PRR16: variants seen among roughly 807,000 people sequenced by gnomAD.
PRR16 encodes proline rich 16.
PRR16 carries 6 observed loss-of-function variants against 18.2 expected under a neutral mutation model. That is an observed-to-expected ratio of 0.33 (90% CI 0.18 to 0.65). PRR16 has a LOEUF of 0.65. PRR16 is among the 30% of genes least tolerant of loss of function. The probability of loss-of-function intolerance (pLI) is 0.74; values close to 1 mark genes in which losing one functional copy is unlikely to be tolerated. For synonymous variants in PRR16, 151 were observed against 147.8 expected (o/e 1.02, Z -0.16); for missense variants, 412 against 376.6 (o/e 1.09, Z -0.78).
At chr5:120,711,572 T>A in the PRR16 span, among the ~76,000 whole-genome samples, 1 of 152,320 alleles carries the variant, frequency 6.6e-6, no homozygotes, top group East Asian at 1.9e-4. Flanking sequence ...TATGTCACTT[T>A]ATTACTCATA....
chr5:120,562,286 A>G (rs1205204568), intron 1 of PRR16, among the ~76,000 whole-genome samples: 3 of 152,108 alleles, frequency 2.0e-5, no homozygotes, highest in African/African-American at 7.2e-5. Flanking sequence ...TTTCTGATAT[A>G]AGTATAACCA....
At chr5:120,518,391 A>T (rs1441872529) in intron 1 of PRR16, among the ~76,000 whole-genome samples, 1 of 152,018 alleles carries the variant, frequency 6.6e-6, no homozygotes, top group Non-Finnish European at 1.5e-5. Context: ...GGTCCTTGAG[A>T]GGGAATTCTT....
intron 1 of PRR16, among the ~76,000 whole-genome samples, chr5:120,488,554 C>T (rs757638762): frequency 1.2e-4 from 18 of 151,986 alleles, no homozygotes; most frequent in African/African-American, 4.3e-4. Flanking sequence ...TCTTTATTAG[C>T]CTTGCTAGCG....
the PRR16 span, among the ~76,000 whole-genome samples, chr5:120,725,293 T>C: frequency 8.0e-6 from 1 of 124,540 alleles, no homozygotes; most frequent in Non-Finnish European, 1.7e-5. Context: ...TGGTTGTAAA[T>C]TTGATGTTGT....
At chr5:120,515,110 G>A (rs1750945974) in intron 1 of PRR16, among the ~76,000 whole-genome samples, 1 of 152,176 alleles carries the variant, frequency 6.6e-6, no homozygotes, top group South Asian at 2.1e-4. Context: ...ATCAAGTGCT[G>A]CATCTGGTGA....
the PRR16 span, among the ~76,000 whole-genome samples, chr5:120,773,023 A>G: frequency 2.6e-5 from 4 of 152,094 alleles, no homozygotes; most frequent in South Asian, 6.2e-4. Context: ...TAAGTATACT[A>G]TATTATATAG....
chr5:120,586,869 G>A (rs1236114519), intron 1 of PRR16, among the ~76,000 whole-genome samples: 4 of 152,162 alleles, frequency 2.6e-5, no homozygotes, highest in Non-Finnish European at 5.9e-5. Context: ...ATTAAACTTA[G>A]TGAGGAGGGC....
chr5:120,663,442 A>T lies in PRR16; in HGVS notation c.160-22512A>T, dbSNP rs538283642. 5.9e-5 allele frequency among the ~76,000 whole-genome samples: 8 copies of T among 136,078 alleles called. No homozygotes were observed. In the South Asian group the frequency reaches 1.7e-3, roughly 29 times the overall value. 89.3% of individuals were successfully genotyped at this position (136,078 alleles called of 152,430 possible). ...GAAAAGGTTAAAAAGGTTGAACAGG[A>T]TACAAAAAGTAAAAGAAAAAAAATT... On this transcript the variant is annotated intron_variant, in intron 1 of 1. Transcript: ENST00000407149.
At position 120,686,089 on chromosome 5, in the gene PRR16, G is replaced by C; in HGVS notation, c.295G>C (p.Ala99Pro). Reference sequence around the variant, plus strand: ...CAGCCTAGAGAAGATCAAAGTGCAGGCTAATGCACCGCTTATTAAACCCCC... The same window carrying C: ...CAGCCTAGAGAAGATCAAAGTGCAGCCTAATGCACCGCTTATTAAACCCCC... ...ASSLEKIKVQANAPLIKPPAH... is the reference protein window; with the variant it reads ...ASSLEKIKVQPNAPLIKPPAH... The change falls in exon 2 of 2, where the codon GCT becomes CCT. Residue 99 changes from alanine (A) to proline (P), a missense_variant. Coordinates refer to ENST00000407149, the MANE Select transcript of PRR16 (RefSeq NM_001300783.2). 7.4e-6 allele frequency: 12 copies of C among 1,614,056 alleles called. No individual in the cohort carries two copies. The highest frequency in any genetic ancestry group is 8.5e-6 in the Non-Finnish European group (10 of 1,180,000).
the PRR16 span, among the ~76,000 whole-genome samples, chr5:120,791,651 TATCTATC>T: frequency 2.0e-5 from 3 of 149,432 alleles, no homozygotes; most frequent in African/African-American, 7.4e-5. Flanking sequence ...TCTATCTATC[TATCTATC>T]ATCTATCTAT....
the PRR16 span, among the ~76,000 whole-genome samples, chr5:120,733,440 T>C: frequency 6.6e-6 from 1 of 152,304 alleles, no homozygotes; most frequent in Non-Finnish European, 1.5e-5. Flanking sequence ...ATAAGGAATC[T>C]GGGTTTAAAA....
At chr5:120,486,871 C>A (rs1349723674) in intron 1 of PRR16, among the ~76,000 whole-genome samples, 1 of 152,162 alleles carries the variant, frequency 6.6e-6, no homozygotes, top group African/African-American at 2.4e-5. Context: ...ATATGGCTAG[C>A]CAGTTTTCCC....
intron 1 of PRR16, among the ~76,000 whole-genome samples, chr5:120,535,769 A>G (rs1214273801): frequency 1.3e-5 from 2 of 151,804 alleles, no homozygotes; most frequent in Non-Finnish European, 1.5e-5. Flanking sequence ...CACTGTACTC[A>G]GCCCGAGTGA....
intron 1 of PRR16, among the ~76,000 whole-genome samples, chr5:120,550,734 G>A (rs1752227825): frequency 1.3e-5 from 2 of 152,056 alleles, no homozygotes; most frequent in African/African-American, 4.8e-5. Flanking sequence ...CCATTATTTT[G>A]TGTTTTTCTT....
chr5:120,583,971 T>C (rs1266837309), intron 1 of PRR16, among the ~76,000 whole-genome samples: 1 of 152,208 alleles, frequency 6.6e-6, no homozygotes, highest in Non-Finnish European at 1.5e-5. Context: ...CACTGTGTGC[T>C]GTGATGAAAG....
chr5:120,580,181 G>C (rs965844979), intron 1 of PRR16, among the ~76,000 whole-genome samples: 13 of 152,154 alleles, frequency 8.5e-5, no homozygotes, highest in African/African-American at 3.1e-4. Context: ...TGCAAACAGA[G>C]ACAACTTGAC....
intron 1 of PRR16, among the ~76,000 whole-genome samples, chr5:120,673,323 ATTTC>A (rs1756679403): frequency 6.6e-6 from 1 of 152,186 alleles, no homozygotes. Flanking sequence ...GATTTGGGGC[ATTTC>A]TACGTATTTC....
chr5:120,707,706 C>T, the PRR16 span, among the ~76,000 whole-genome samples: 1 of 152,144 alleles, frequency 6.6e-6, no homozygotes, highest in East Asian at 1.9e-4. Context: ...GTCTGCACTA[C>T]TCAAGAGTTA....
chr5:120,670,718 A>G (rs1756572299), intron 1 of PRR16, among the ~76,000 whole-genome samples: 5 of 152,150 alleles, frequency 3.3e-5, no homozygotes, highest in Non-Finnish European at 1.5e-5. Context: ...ATGTGCATTC[A>G]TGCTAAGCAC....
Sources: allele counts gnomAD v4.1 joint callset (sites outside exome capture counted in the v4.1 genomes callset), GRCh38; gene constraint gnomAD v4.1.1; transcripts MANE v1.5; gene names NCBI Gene and HGNC (gene_info 2026-07-23, HGNC 2026-07-21).